LARP1B: variants seen among roughly 807,000 people sequenced by gnomAD.
LARP1B encodes La ribonucleoprotein 1B, also known as la-related protein 1B.
LARP1B carries 76 observed loss-of-function variants against 114.2 expected under a neutral mutation model. The observed-to-expected ratio is 0.67, with a 90% CI of 0.55 to 0.81. LARP1B has a LOEUF of 0.81. Among genes scored for constraint, LARP1B ranks in the 30% least tolerant of loss-of-function variants. LARP1B has a pLI of 0.00. For missense variants in LARP1B, 1,014 were observed against 1,075.8 expected, an observed-to-expected ratio of 0.94 and a Z score of 0.80; for synonymous variants, 345 against 348.0, an observed-to-expected ratio of 0.99 and a Z score of 0.10.
chr4:128,063,516 A>G (rs1761208967), intron 1 of LARP1B, among the ~76,000 whole-genome samples: 1 of 150,650 alleles, frequency 6.6e-6, no homozygotes. Flanking sequence ...GCGGTGGCTC[A>G]CGCCTGTAAT....
intron 15 of LARP1B, among the ~76,000 whole-genome samples, chr4:128,190,498 C>T (rs1299630407): frequency 6.6e-6 from 1 of 152,142 alleles, no homozygotes; most frequent in Non-Finnish European, 1.5e-5. Flanking sequence ...CCCATAATCC[C>T]CATGTGTCAA....
intron 11 of LARP1B, among the ~76,000 whole-genome samples, chr4:128,134,621 A>G (rs116522865): frequency 0.027 from 4,094 of 152,300 alleles, 208 homozygotes; most frequent in African/African-American, 0.092. Context: ...TTAAAAATTT[A>G]TGTGTATGAA....
At chr4:128,220,640 G>A (rs997999396) in intron 7 of LARP1B, among the ~76,000 whole-genome samples, 3 of 152,278 alleles carry the variant, frequency 2.0e-5, no homozygotes, top group Non-Finnish European at 2.9e-5. Flanking sequence ...TAAGACTTGT[G>A]TATAGTTAAA....
At chr4:128,081,519 T>C (rs1013672203) in intron 4 of LARP1B, among the ~76,000 whole-genome samples, 2 of 151,966 alleles carry the variant, frequency 1.3e-5, no homozygotes, top group African/African-American at 4.8e-5. Context: ...AAATGACAGA[T>C]TGGTCCAATG....
chr4:128,102,883 A>G (rs575536721), intron 8 of LARP1B, among the ~76,000 whole-genome samples: 15 of 152,198 alleles, frequency 9.9e-5, no homozygotes, highest in Non-Finnish European at 1.9e-4. Flanking sequence ...TGCTACTTTC[A>G]TCTCAAACCT....
intron 5 of LARP1B, among the ~76,000 whole-genome samples, chr4:128,086,075 G>GCGAT (rs1300477464): frequency 6.8e-6 from 1 of 146,982 alleles, no homozygotes; most frequent in African/African-American, 2.5e-5. Context: ...GTGCAGTGGC[G>GCGAT]CGATCTCGGC....
chr4:128,098,353 A>G (rs746615530), intron 8 of LARP1B, 23 bp downstream of exon 8: 18 of 1,576,620 alleles, frequency 1.1e-5, no homozygotes, highest in African/African-American at 1.1e-4. Context: ...TTGATGAACA[A>G]TTTGTACTTT....
chr4:128,133,846 A>G (rs1403667799), intron 11 of LARP1B, among the ~76,000 whole-genome samples: 1 of 151,922 alleles, frequency 6.6e-6, no homozygotes, highest in Admixed American at 6.6e-5. Flanking sequence ...ACAGGCCTGC[A>G]CCACCATGCC....
intron 7 of LARP1B, among the ~76,000 whole-genome samples, chr4:128,096,236 G>A (rs961546412): frequency 9.2e-5 from 14 of 152,064 alleles, no homozygotes; most frequent in African/African-American, 2.7e-4. Flanking sequence ...CTCGTGATCC[G>A]CCCGCCTCGG....
Position 128,121,837 on chromosome 4 carries a change from T to C in LARP1B, c.1173T>C (p.Ser391=). 6.4e-7 allele frequency: 1 copy of C among 1,557,392 alleles called. No homozygotes were observed. The highest frequency in any genetic ancestry group is 8.7e-7 in the Non-Finnish European group (1 of 1,154,212). ...ATTTCTTCCTTCAGGAATCAGTGTCTGTCCCTGAAGGGTCATTAAATCAGC... is the reference window on the plus strand; with the variant it reads ...ATTTCTTCCTTCAGGAATCAGTGTCCGTCCCTGAAGGGTCATTAAATCAGC... The part of the protein sequence containing the change: ...PAPVKLRESV[S]VPEGSLNQLC... The change falls in exon 11 of 20, where the codon TCT becomes TCC. Residue 391 remains serine, a synonymous_variant. Coordinates refer to ENST00000326639, the MANE Select transcript of LARP1B (RefSeq NM_018078.4).
At chr4:128,080,236 G>C (rs573241628) in intron 4 of LARP1B, among the ~76,000 whole-genome samples, 1 of 151,976 alleles carries the variant, frequency 6.6e-6, no homozygotes, top group African/African-American at 2.4e-5. Flanking sequence ...GCCCGCCTTG[G>C]CTTCCCAAAG....
chr4:128,169,429 T>G (rs1163168189), intron 12 of LARP1B, among the ~76,000 whole-genome samples: 2 of 152,064 alleles, frequency 1.3e-5, no homozygotes, highest in Non-Finnish European at 1.5e-5. Flanking sequence ...ATATATTTTC[T>G]AATTTCTTTT....
At chr4:128,143,261 G>A (rs1175400859) in intron 11 of LARP1B, among the ~76,000 whole-genome samples, 2 of 152,140 alleles carry the variant, frequency 1.3e-5, no homozygotes, top group African/African-American at 4.8e-5. Flanking sequence ...CTCCGTGACA[G>A]AGCAAGACTC....
intron 1 of LARP1B, among the ~76,000 whole-genome samples, chr4:128,070,689 T>C (rs1579765433): frequency 6.6e-6 from 1 of 151,860 alleles, no homozygotes; most frequent in East Asian, 1.9e-4. Context: ...GATGACCGGC[T>C]GTAGTGGCTC....
Position 128,203,436 on chromosome 4 carries a change from C to G in LARP1B, c.2309+2771C>G, listed in dbSNP as rs890153368. Reference sequence around the variant, plus strand: ...TTGCCTAGGCTGGAGTGCAGTGTCGCGATCTCGGCTCACTGCAACCTCTGC... The same window carrying G: ...TTGCCTAGGCTGGAGTGCAGTGTCGGGATCTCGGCTCACTGCAACCTCTGC... On this transcript the variant is annotated intron_variant, in intron 17 of 19. Transcript: ENST00000326639. 1.3e-5 allele frequency among the ~76,000 whole-genome samples: 2 copies of G among 150,128 alleles called. 1 individual carries two copies. Among genetic ancestry groups the G allele is most frequent in the South Asian group, 4.3e-4 (2 of 4,666 alleles).
intron 5 of LARP1B, among the ~76,000 whole-genome samples, chr4:128,085,881 T>G (rs1002074954): frequency 2.6e-5 from 4 of 152,216 alleles, no homozygotes; most frequent in African/African-American, 9.6e-5. Flanking sequence ...TTTAACATTA[T>G]AAGAAACTGC....
Position 128,133,727 on chromosome 4 carries a change from G to A in LARP1B, c.1524+11539G>A, listed in dbSNP as rs549787334. 3.9e-5 allele frequency among the ~76,000 whole-genome samples: 6 copies of A among 151,974 alleles called. No individual in the cohort carries two copies. In the East Asian group the frequency reaches 5.8e-4, roughly 15 times the overall value. ...TTTTTCTTTTTTGAGACAGAGTTTC[G>A]CTCTTGTTGCCCAGGCTAGAGTGCA... On this transcript the variant is annotated intron_variant, in intron 11 of 19. Coordinates refer to ENST00000326639, the MANE Select transcript of LARP1B (RefSeq NM_018078.4).
chr4:128,126,006 C>T (rs548619386), intron 11 of LARP1B, among the ~76,000 whole-genome samples: 1 of 151,342 alleles, frequency 6.6e-6, no homozygotes, highest in East Asian at 1.9e-4. Flanking sequence ...CATTATATTG[C>T]AAGGAAAGTT....
At chr4:128,217,116 A>G (rs1468807026) in intron 6 of LARP1B, among the ~76,000 whole-genome samples, 1 of 149,090 alleles carries the variant, frequency 6.7e-6, no homozygotes, top group Non-Finnish European at 1.5e-5. Context: ...CTCTGAATAG[A>G]CCAATAACAG....
Sources: gnomAD v4.1 joint callset for allele counts (sites outside exome capture counted in the v4.1 genomes callset) on GRCh38, gnomAD v4.1.1 for gene constraint, MANE v1.5 for transcripts, NCBI Gene and HGNC (gene_info 2026-07-23, HGNC 2026-07-21) for gene names.